The following TCP11L2 variants were observed in gnomAD, a reference collection of about 807,000 sequenced individuals.
TCP11L2 encodes t-complex 11 like 2.
TCP11L2 carries 39 observed loss-of-function variants against 50.7 expected under a neutral mutation model. That is an observed-to-expected ratio of 0.77 (90% CI 0.60 to 1.01). The LOEUF (loss-of-function observed/expected upper bound fraction) is 1.01, where lower values mean the gene tolerates loss of function less well. Among genes scored for constraint, TCP11L2 ranks in the 50% least tolerant of loss-of-function variants. TCP11L2 has a pLI of 0.00. For missense variants in TCP11L2, 612 were observed against 614.7 expected (o/e 1.00, Z 0.05); for synonymous variants, 192 against 219.3 (o/e 0.88, Z 1.10).
chr12:106,321,506 T>TC lies in TCP11L2; in HGVS notation c.438dup (p.Gly147ArgfsTer11), dbSNP rs757687954. ...TGTAGATTCTTCTCTCTTTTCTCACTCCCGGTGGCAACCGGCTTCGCAACC... is the reference window on the plus strand; with the variant it reads ...TGTAGATTCTTCTCTCTTTTCTCACTCCCCGGTGGCAACCGGCTTCGCAACC... On this transcript the variant is annotated frameshift_variant, in exon 5 of 10. Coordinates refer to ENST00000299045, the MANE Select transcript of TCP11L2 (RefSeq NM_152772.3). LOFTEE classifies it high-confidence loss of function. The TC allele has an allele frequency of 2.5e-6, 4 of 1,613,996 alleles. No individual in the cohort carries two copies. The South Asian group carries it at 4.4e-5, about 18-fold the overall frequency.
chr12:106,303,630 T>G (rs1234293131), intron 1 of TCP11L2: 1 of 152,286 alleles, frequency 6.6e-6, no homozygotes, highest in Non-Finnish European at 1.5e-5. Flanking sequence ...AAGCTGCTAC[T>G]GTAGGTGGCA....
At chr12:106,321,816 G>A in intron 5 of TCP11L2, 110 bp downstream of exon 5, 1 of 828,766 alleles carries the variant, frequency 1.2e-6, no homozygotes, top group Non-Finnish European at 2.0e-6. Context: ...ATAAATTACT[G>A]ACCCTAGAAG....
rs529425896 is a variant in TCP11L2 at position 106,318,757 on chromosome 12, C to CT, written c.414+294dup. 2.7e-3 allele frequency among the ~76,000 whole-genome samples: 411 copies of CT among 152,316 alleles called. 1 individual carries two copies. Among genetic ancestry groups the CT allele is most frequent in the African/African-American group, 9.1e-3 (379 of 41,570 alleles). On this transcript the variant is annotated intron_variant, in intron 4 of 9. Transcript: ENST00000299045. ...ACGGAGTCTCGCTCTGTTGCCTAGG[C>CT]TGGAGTGCGGTGGCACAATCTCGGC... is the stretch of plus-strand genomic sequence containing the variant.
At chr12:106,338,132 A>G (rs973029554) in intron 8 of TCP11L2, among the ~76,000 whole-genome samples, 1 of 152,210 alleles carries the variant, frequency 6.6e-6, no homozygotes, top group Non-Finnish European at 1.5e-5. Flanking sequence ...GAAGAGCTGA[A>G]AGAGGATTTA....
At chr12:106,340,794 TC>T (rs1449657404) in intron 8 of TCP11L2, 31 bp from the exon 9 acceptor site, 1 of 1,544,882 alleles carries the variant, frequency 6.5e-7, no homozygotes, top group Admixed American at 2.2e-5. Context: ...ACAAAAACTT[TC>T]CCTGGTGGAA....
chr12:106,324,995 T>G (rs2035486463), intron 6 of TCP11L2: 1 of 152,214 alleles, frequency 6.6e-6, no homozygotes, highest in Non-Finnish European at 1.5e-5. Flanking sequence ...TATATGTATT[T>G]GGGAATCATC....
At chr12:106,331,291 C>T (rs1459462892) in intron 6 of TCP11L2, among the ~76,000 whole-genome samples, 1 of 151,964 alleles carries the variant, frequency 6.6e-6, no homozygotes, top group Non-Finnish European at 1.5e-5. Flanking sequence ...GATTCTGCTC[C>T]CTCAAGCTAG....
At chr12:106,327,167 G>GT (rs549570724) in intron 6 of TCP11L2, among the ~76,000 whole-genome samples, 6 of 151,456 alleles carry the variant, frequency 4.0e-5, no homozygotes, top group African/African-American at 7.3e-5. Context: ...TTTTTTTTCT[G>GT]TTTTTTTTCT....
chr12:106,318,515 G>A (rs1450759921), intron 4 of TCP11L2, 51 bp downstream of exon 4: 10 of 1,604,178 alleles, frequency 6.2e-6, no homozygotes, highest in Non-Finnish European at 8.5e-6. Context: ...CAGGTGGGCT[G>A]CTATAACAGA....
At chr12:106,331,439 C>T (rs1565855856) in intron 6 of TCP11L2, among the ~76,000 whole-genome samples, 4 of 152,178 alleles carry the variant, frequency 2.6e-5, no homozygotes. Context: ...TCTGAGGCAA[C>T]TTTGTTAATA....
intron 1 of TCP11L2, among the ~76,000 whole-genome samples, chr12:106,310,176 A>G (rs1477091530): frequency 6.6e-6 from 1 of 152,118 alleles, no homozygotes; most frequent in African/African-American, 2.4e-5. Context: ...AAGGATTCTC[A>G]TGTCCCAGAA....
chr12:106,324,873 C>G (rs975464371), intron 6 of TCP11L2: 7 of 152,100 alleles, frequency 4.6e-5, no homozygotes, highest in African/African-American at 1.7e-4. Flanking sequence ...GACATGGAAT[C>G]AAGAGTTCAG....
Position 106,321,480 on chromosome 12 carries a change from C to A in TCP11L2, c.415-6C>A. 2.5e-6 allele frequency: 4 copies of A among 1,607,942 alleles called. No individual in the cohort carries two copies. Among genetic ancestry groups the A allele is most frequent in the South Asian group, 1.1e-5 (1 of 90,312 alleles). On this transcript the variant is annotated splice_region_variant and splice_polypyrimidine_tract_variant and intron_variant, in intron 4 of 9. Coordinates refer to ENST00000299045, the MANE Select transcript of TCP11L2 (RefSeq NM_152772.3). Reference sequence around the variant, plus strand: ...ATGCTGTTAATTTTTATTTCTTTCCCTGTAGATTCTTCTCTCTTTTCTCAC... The same window carrying A: ...ATGCTGTTAATTTTTATTTCTTTCCATGTAGATTCTTCTCTCTTTTCTCAC...
At chr12:106,307,184 G>T (rs2034666133) in intron 1 of TCP11L2, 1 of 152,204 alleles carries the variant, frequency 6.6e-6, no homozygotes, top group Non-Finnish European at 1.5e-5. Flanking sequence ...CTGCATTCCA[G>T]TGATGGTCTC....
intron 4 of TCP11L2, among the ~76,000 whole-genome samples, chr12:106,318,899 T>A (rs908555575): frequency 3.1e-4 from 28 of 90,770 alleles, no homozygotes; most frequent in South Asian, 5.9e-4. Context: ...TTATTTTATT[T>A]TTTTTTTTTT....
chr12:106,343,694 G>A (rs190289439), intron 9 of TCP11L2, among the ~76,000 whole-genome samples: 12 of 149,934 alleles, frequency 8.0e-5, no homozygotes, highest in South Asian at 2.1e-4. Flanking sequence ...TTGCTCTGTC[G>A]CCCAGTCTGG....
rs749827845 is a variant in TCP11L2, at chr12:106,336,117, C to G, written c.1046C>G (p.Thr349Ser). The G allele has an allele frequency of 1.2e-6, 2 of 1,614,108 alleles. No homozygotes were observed. The highest frequency in any genetic ancestry group is 1.1e-5 in the South Asian group (1 of 91,060). Reference protein sequence around the residue: ...LKIIACLSLITNNMVGAITGG... With the variant: ...LKIIACLSLISNNMVGAITGG... ...ATTATTGCCTGCCTGTCCCTAATTA[C>G]CAACAACATGGTGGGTGCTATTACA... is the stretch of plus-strand genomic sequence containing the variant. Residue 349 changes from threonine to serine, a missense_variant, in exon 8 of 10, where the codon ACC becomes AGC. Physicochemically the swap from Thr to Ser is moderately conservative, Grantham distance 58 (BLOSUM62 1). Coordinates refer to ENST00000299045, the MANE Select transcript of TCP11L2 (RefSeq NM_152772.3).
At chr12:106,306,230 T>C (rs1016920599) in intron 1 of TCP11L2, among the ~76,000 whole-genome samples, 1 of 152,222 alleles carries the variant, frequency 6.6e-6, no homozygotes, top group Non-Finnish European at 1.5e-5. Context: ...ATCTTCTCTT[T>C]TAACCTTCTA....
At chr12:106,312,571 C>T (rs2034904488) in intron 2 of TCP11L2, 2 of 351,748 alleles carry the variant, frequency 5.7e-6, no homozygotes, top group Non-Finnish European at 8.3e-6. Context: ...TTCCCTGATC[C>T]TCCTCCTCAT....
Sources: allele counts gnomAD v4.1 joint callset (sites outside exome capture counted in the v4.1 genomes callset), GRCh38; gene constraint gnomAD v4.1.1; transcripts MANE v1.5; gene names NCBI Gene and HGNC (gene_info 2026-07-23, HGNC 2026-07-21).